The following SPRED1 variants were observed in gnomAD, a reference collection of about 807,000 sequenced individuals.
SPRED1 encodes sprouty-related, EVH1 domain-containing protein 1.
SPRED1 carries 18 observed loss-of-function variants against 52.3 expected under a neutral mutation model. That is an observed-to-expected ratio of 0.34 (90% CI 0.24 to 0.51). SPRED1 has a LOEUF of 0.51. Ranked by LOEUF, SPRED1 falls within the 20% of genes least tolerant of loss-of-function variation. SPRED1 has a pLI of 0.97. For synonymous variants in SPRED1, 155 were observed against 179.7 expected (o/e 0.86, Z 1.10); for missense variants, 485 against 551.0 (o/e 0.88, Z 1.20).
rs530731336 is a variant in SPRED1 at position 38,292,540 on chromosome 15, C to T, written c.33-6833C>T. On this transcript the variant is annotated intron_variant, in intron 1 of 6. Coordinates refer to ENST00000299084, the MANE Select transcript of SPRED1 (RefSeq NM_152594.3). ...GAGGCCTCAGAATCATGGTGGGAGGCGAAAGGCATTTATATGATGGCAACA... is the reference window on the plus strand; with the variant it reads ...GAGGCCTCAGAATCATGGTGGGAGGTGAAAGGCATTTATATGATGGCAACA... Among the ~76,000 whole-genome samples the T allele has an allele frequency of 1.8e-4, 27 of 152,036 alleles. No individual in the cohort carries two copies. The South Asian group carries it at 4.0e-3, about 22-fold the overall frequency.
rs1027461864 is a variant in SPRED1, at chr15:38,303,941, A to C, written c.207+4394A>C. ...ATATTTCCAGTTTAAGAAGTTGCCAAAGAGATTAAGGAATTGTTTTTATGA... is the reference window on the plus strand; with the variant it reads ...ATATTTCCAGTTTAAGAAGTTGCCACAGAGATTAAGGAATTGTTTTTATGA... On this transcript the variant is annotated intron_variant, in intron 2 of 6. Coordinates refer to ENST00000299084, the MANE Select transcript of SPRED1 (RefSeq NM_152594.3). Among the ~76,000 whole-genome samples, 6 of 152,206 alleles carry C rather than the reference A, an allele frequency of 3.9e-5. No homozygotes were observed. The South Asian group carries it at 1.0e-3, about 26-fold the overall frequency.
At position 38,315,130 on chromosome 15, in the gene SPRED1, C is replaced by G. The variant is rs142198865; in HGVS notation, c.208-7111C>G. ...AAATTAAAGTTCATTATAAGGGCAA[C>G]TATTTGAGATATCAGTTATTGACTT... On this transcript the variant is annotated intron_variant, in intron 2 of 6. Transcript: ENST00000299084. Among the ~76,000 whole-genome samples the G allele has an allele frequency of 2.0e-4, 30 of 151,920 alleles. No homozygotes were observed. In the East Asian group the frequency reaches 5.8e-3, roughly 29 times the overall value.
intron 4 of SPRED1, among the ~76,000 whole-genome samples, chr15:38,326,564 G>A (rs963062890): frequency 1.3e-5 from 2 of 152,184 alleles, no homozygotes; most frequent in East Asian, 1.9e-4. Flanking sequence ...ACTTTCGATT[G>A]AAGTAGTAGG....
At chr15:38,267,559 T>G (rs1025678152) in intron 1 of SPRED1, among the ~76,000 whole-genome samples, 1 of 152,208 alleles carries the variant, frequency 6.6e-6, no homozygotes, top group Admixed American at 6.5e-5. Context: ...TTTTTGTTCT[T>G]TGGTACCTTG....
At chr15:38,310,390 C>T (rs1373887368) in intron 2 of SPRED1, among the ~76,000 whole-genome samples, 1 of 152,158 alleles carries the variant, frequency 6.6e-6, no homozygotes, top group East Asian at 1.9e-4. Flanking sequence ...ATCCACCCAC[C>T]TCTGCCTCCC....
intron 1 of SPRED1, among the ~76,000 whole-genome samples, chr15:38,265,245 A>C (rs1186506991): frequency 6.6e-6 from 1 of 152,148 alleles, no homozygotes; most frequent in Non-Finnish European, 1.5e-5. Context: ...ATATGTCCCT[A>C]CTTCAGAGGG....
chr15:38,338,464 C>G (rs1014378325), intron 4 of SPRED1, among the ~76,000 whole-genome samples: 1 of 152,036 alleles, frequency 6.6e-6, no homozygotes, highest in Non-Finnish European at 1.5e-5. Context: ...TGCTGGGTAT[C>G]AATGTTTAGC....
chr15:38,330,984 G>A (rs577866879), intron 4 of SPRED1, among the ~76,000 whole-genome samples: 1 of 152,180 alleles, frequency 6.6e-6, no homozygotes, highest in South Asian at 2.1e-4. Flanking sequence ...TTCTGCAGCT[G>A]TCATCTGGCC....
intron 1 of SPRED1, among the ~76,000 whole-genome samples, chr15:38,282,609 G>A (rs1894714923): frequency 6.6e-6 from 1 of 152,152 alleles, no homozygotes; most frequent in African/African-American, 2.4e-5. Context: ...AGCCACTGAT[G>A]TCGATGGATA....
At chr15:38,265,084 T>G (rs1245618786) in intron 1 of SPRED1, among the ~76,000 whole-genome samples, 1 of 152,180 alleles carries the variant, frequency 6.6e-6, no homozygotes, top group Non-Finnish European at 1.5e-5. Flanking sequence ...GAGAAGCCCT[T>G]TCAAATAAAA....
chr15:38,342,341 T>C (rs950747264), intron 5 of SPRED1, among the ~76,000 whole-genome samples: 1 of 152,050 alleles, frequency 6.6e-6, no homozygotes, highest in Non-Finnish European at 1.5e-5. Context: ...TGCACATATC[T>C]ACAGTATCTT....
intron 5 of SPRED1, among the ~76,000 whole-genome samples, chr15:38,347,228 AT>A (rs986743566): frequency 3.5e-4 from 53 of 151,788 alleles, no homozygotes; most frequent in African/African-American, 1.3e-3. Flanking sequence ...ACCAAATTTT[AT>A]TTTTTCCACA....
At chr15:38,331,383 A>G (rs186361970) in intron 4 of SPRED1, among the ~76,000 whole-genome samples, 2 of 152,142 alleles carry the variant, frequency 1.3e-5, no homozygotes, top group African/African-American at 4.8e-5. Context: ...CTCACCACCT[A>G]ATTTTATGTT....
intron 2 of SPRED1, among the ~76,000 whole-genome samples, chr15:38,309,078 A>G (rs1895309501): frequency 6.6e-6 from 1 of 152,120 alleles, no homozygotes; most frequent in Admixed American, 6.5e-5. Context: ...TCTGATGACT[A>G]ATGATCATCT....
chr15:38,295,814 C>T (rs1014170218), intron 1 of SPRED1, among the ~76,000 whole-genome samples: 3 of 152,028 alleles, frequency 2.0e-5, no homozygotes, highest in Non-Finnish European at 2.9e-5. Context: ...TAATACTGTA[C>T]TCTAGACTCA....
chr15:38,253,550 C>T (rs529755574), intron 1 of SPRED1, among the ~76,000 whole-genome samples: 1 of 152,262 alleles, frequency 6.6e-6, no homozygotes, highest in East Asian at 1.9e-4. Flanking sequence ...TTTTCACTCA[C>T]ATACCAGTCA....
intron 1 of SPRED1, among the ~76,000 whole-genome samples, chr15:38,275,605 C>T (rs1894532720): frequency 6.6e-6 from 1 of 152,134 alleles, no homozygotes; most frequent in South Asian, 2.1e-4. Context: ...TCAATCAATT[C>T]CCGTACCTCA....
chr15:38,320,915 A>G (rs920651363), intron 2 of SPRED1, among the ~76,000 whole-genome samples: 3 of 152,216 alleles, frequency 2.0e-5, no homozygotes, highest in Non-Finnish European at 2.9e-5. Context: ...AAGAGACCTT[A>G]TAACTGTCCT....
intron 2 of SPRED1, among the ~76,000 whole-genome samples, chr15:38,306,086 G>A (rs997752000): frequency 6.6e-6 from 1 of 151,724 alleles, no homozygotes; most frequent in Non-Finnish European, 1.5e-5. Context: ...ACTTCTTTAG[G>A]ATTCCCCACT....
Sources: gnomAD v4.1 joint callset for allele counts (sites outside exome capture counted in the v4.1 genomes callset) on GRCh38, gnomAD v4.1.1 for gene constraint, MANE v1.5 for transcripts, NCBI Gene and HGNC (gene_info 2026-07-23, HGNC 2026-07-21) for gene names.